SLC36A1: variants seen among roughly 807,000 people sequenced by gnomAD.
The protein encoded by SLC36A1 is proton-coupled amino acid transporter 1.
Under a neutral mutation model 47.5 loss-of-function variants are expected in SLC36A1, and 30 were observed. That is an observed-to-expected ratio of 0.63 (90% CI 0.47 to 0.86). The LOEUF is 0.86. SLC36A1 is among the 40% of genes least tolerant of loss of function. The pLI, the probability that SLC36A1 is intolerant of heterozygous loss-of-function variation, is 0.00. For missense variants in SLC36A1, 517 were observed against 606.0 expected (o/e 0.85, Z 1.54); for synonymous variants, 255 against 249.7 (o/e 1.02, Z -0.20).
intron 2 of SLC36A1, among the ~76,000 whole-genome samples, chr5:151,462,794 A>AT (rs909227648): frequency 1.3e-5 from 2 of 148,774 alleles, no homozygotes; most frequent in African/African-American, 5.0e-5. Context: ...TATTATTATT[A>AT]TTTTTTAATT....
At chr5:151,523,129 T>A in the SLC36A1 span, among the ~76,000 whole-genome samples, 1 of 152,224 alleles carries the variant, frequency 6.6e-6, no homozygotes, top group East Asian at 1.9e-4. Flanking sequence ...TCCAACACTT[T>A]TAATGTACAA....
intron 2 of SLC36A1, 99 bp downstream of exon 2, chr5:151,459,034 A>T: frequency 7.4e-7 from 1 of 1,359,228 alleles, no homozygotes; most frequent in Non-Finnish European, 1.0e-6. Flanking sequence ...CCTCCACTTT[A>T]CAGATGAAGG....
the SLC36A1 span, among the ~76,000 whole-genome samples, chr5:151,351,499 T>G: frequency 6.6e-6 from 1 of 152,110 alleles, no homozygotes; most frequent in South Asian, 2.1e-4. Context: ...GAGAGTGAAT[T>G]GCGGATGAGG....
At chr5:151,349,791 G>A in the SLC36A1 span, among the ~76,000 whole-genome samples, 454 of 152,258 alleles carry the variant, frequency 3.0e-3, 2 homozygotes, top group Middle Eastern at 6.8e-3. Context: ...CTTTTAAAAC[G>A]TGGTGTGTAT....
chr5:151,528,043 G>A, the SLC36A1 span: 1 of 1,614,060 alleles, frequency 6.2e-7, no homozygotes, highest in Non-Finnish European at 8.5e-7. Context: ...CCCTTTTTGG[G>A]GTGAATGGTG....
the SLC36A1 span, among the ~76,000 whole-genome samples, chr5:151,387,468 G>A: frequency 1.3e-5 from 2 of 152,206 alleles, no homozygotes; most frequent in Non-Finnish European, 2.9e-5. Context: ...TCACTCAAGT[G>A]GCAAGAGTCT....
At chr5:151,358,155 A>G in the SLC36A1 span, among the ~76,000 whole-genome samples, 1 of 152,340 alleles carries the variant, frequency 6.6e-6, no homozygotes, top group African/African-American at 2.4e-5. Flanking sequence ...ACAAAAAAGT[A>G]TACCCTTATA....
the SLC36A1 span, among the ~76,000 whole-genome samples, chr5:151,552,710 C>G: frequency 6.6e-6 from 1 of 152,160 alleles, no homozygotes; most frequent in Non-Finnish European, 1.5e-5. Flanking sequence ...CCATCAGAGC[C>G]CGGATCCAAG....
the SLC36A1 span, chr5:151,387,259 A>G: frequency 6.6e-6 from 1 of 152,364 alleles, no homozygotes. Flanking sequence ...GGATCAGGAA[A>G]GATCCACGCA....
upstream of SLC36A1, among the ~76,000 whole-genome samples, chr5:151,433,941 G>T: frequency 6.6e-6 from 1 of 151,906 alleles, no homozygotes. Context: ...CCAGAGGATG[G>T]AGTAAAATTG....
chr5:151,537,855 G>A, the SLC36A1 span: 1 of 1,614,126 alleles, frequency 6.2e-7, no homozygotes, highest in South Asian at 1.1e-5. Context: ...TGTGATCTGA[G>A]CATTGGTATC....
At chr5:151,517,912 T>C in the SLC36A1 span, 1 of 963,080 alleles carries the variant, frequency 1.0e-6, no homozygotes, top group Non-Finnish European at 1.5e-6. Flanking sequence ...GTGTGGGGTG[T>C]GCCATACCTT....
chr5:151,360,418 A>G, the SLC36A1 span, among the ~76,000 whole-genome samples: 2 of 152,210 alleles, frequency 1.3e-5, no homozygotes, highest in African/African-American at 4.8e-5. Flanking sequence ...TTTACTATTC[A>G]TTAAATGGAG....
the SLC36A1 span, among the ~76,000 whole-genome samples, chr5:151,537,082 A>G: frequency 6.6e-6 from 1 of 152,092 alleles, no homozygotes; most frequent in Non-Finnish European, 1.5e-5. Context: ...TTTACTTAAG[A>G]TCCTCCGTAG....
chr5:151,521,895 A>G, the SLC36A1 span: 22 of 1,613,776 alleles, frequency 1.4e-5, no homozygotes, highest in African/African-American at 2.7e-5. Context: ...CTGCCAGGCT[A>G]TAGGTCAGCG....
the SLC36A1 span, chr5:151,534,754 G>T: frequency 2.4e-6 from 2 of 829,810 alleles, no homozygotes; most frequent in South Asian, 1.7e-5. Context: ...TTTGTTCACA[G>T]CAAGGAGGGG....
chr5:151,550,371 T>G, the SLC36A1 span, among the ~76,000 whole-genome samples: 1 of 152,114 alleles, frequency 6.6e-6, no homozygotes, highest in Non-Finnish European at 1.5e-5. Flanking sequence ...CAGAGAAAGC[T>G]GAGGTTGACA....
At chr5:151,473,220 AGAT>A (rs775574280) in intron 7 of SLC36A1, among the ~76,000 whole-genome samples, 9,210 of 147,654 alleles carry the variant, frequency 0.062, 324 homozygotes, top group Non-Finnish European at 0.068. Context: ...ATAGATAGAT[AGAT>A]AGAATATATA....
At chr5:151,527,133 C>T in the SLC36A1 span, 1 of 1,237,950 alleles carries the variant, frequency 8.1e-7, no homozygotes, top group Non-Finnish European at 1.1e-6. Flanking sequence ...GGCAAAGTCA[C>T]AGTCATTGTT....
Sources: allele counts gnomAD v4.1 joint callset (sites outside exome capture counted in the v4.1 genomes callset), GRCh38; gene constraint gnomAD v4.1.1; transcripts MANE v1.5; gene names NCBI Gene and HGNC (gene_info 2026-07-23, HGNC 2026-07-21).